NALF1: variants seen among roughly 807,000 people sequenced by gnomAD.
NALF1 encodes the protein NALCN channel auxiliary factor 1.
Under a neutral mutation model 48.4 loss-of-function variants are expected in NALF1, and 3 were observed. The observed-to-expected ratio is 0.06, with a 90% confidence interval of 0.03 to 0.16. NALF1 has a LOEUF of 0.16. Among genes scored for constraint, NALF1 ranks in the 10% least tolerant of loss-of-function variants. The probability of loss-of-function intolerance (pLI) is 1.00; values close to 1 mark genes in which losing one functional copy is unlikely to be tolerated. For synonymous variants in NALF1, 262 were observed against 245.7 expected (o/e 1.07, Z -0.62); for missense variants, 526 against 571.5 (o/e 0.92, Z 0.81).
rs746921336 is a variant in NALF1 at position 107,866,631 on chromosome 13, G to A, written c.-35C>T. 2 of 1,557,090 alleles carry A rather than the reference G, an allele frequency of 1.3e-6. No homozygotes were observed. The highest frequency in any genetic ancestry group is 1.7e-6 in the Non-Finnish European group (2 of 1,155,380). On this transcript the variant is annotated 5_prime_UTR_variant, in exon 1 of 3. The change creates a new upstream start codon in the 5' untranslated region. Coordinates refer to ENST00000375915, the MANE Select transcript of NALF1 (RefSeq NM_001080396.3). This position sits in a 1 kb window ranked among gnomAD's most constrained non-coding sequence, Gnocchi z 4.4. ...ACGCACAGCCCTGGCCGACTCCACC[G>A]TGAGGGCGCCTGTGCCGGTGTCACC...
intron 1 of NALF1, among the ~76,000 whole-genome samples, chr13:107,663,754 A>G (rs1451236743): frequency 6.6e-6 from 1 of 152,178 alleles, no homozygotes; most frequent in African/African-American, 2.4e-5. Flanking sequence ...TTATCTTACT[A>G]GAGCTATTGG....
intron 1 of NALF1, among the ~76,000 whole-genome samples, chr13:107,782,906 C>T (rs1315259196): frequency 6.6e-6 from 1 of 151,258 alleles, no homozygotes; most frequent in East Asian, 2.0e-4. Flanking sequence ...GCAGCCGCCC[C>T]GTCCAGGAGG....
At chr13:107,647,957 A>T (rs1280101325) in intron 1 of NALF1, among the ~76,000 whole-genome samples, 1 of 152,168 alleles carries the variant, frequency 6.6e-6, no homozygotes, top group Non-Finnish European at 1.5e-5. Flanking sequence ...CCTGAAGATT[A>T]TAGAAAAGAG....
chr13:107,661,784 T>C (rs1880740251), intron 1 of NALF1, among the ~76,000 whole-genome samples: 1 of 152,194 alleles, frequency 6.6e-6, no homozygotes, highest in Non-Finnish European at 1.5e-5. Context: ...TGTCAAGGAA[T>C]AAATATATTC....
intron 1 of NALF1, among the ~76,000 whole-genome samples, chr13:107,475,747 G>C (rs1042750227): frequency 2.6e-5 from 4 of 152,102 alleles, no homozygotes; most frequent in Non-Finnish European, 4.4e-5. Context: ...GTCTCTTCTA[G>C]TCAATAAAAT....
chr13:107,408,059 A>G (rs537419227), intron 1 of NALF1, among the ~76,000 whole-genome samples: 1 of 152,166 alleles, frequency 6.6e-6, no homozygotes, highest in South Asian at 2.1e-4. Flanking sequence ...TTAAAATAAA[A>G]TAATTGAACT....
intron 1 of NALF1, among the ~76,000 whole-genome samples, chr13:107,415,147 G>A (rs1884063667): frequency 6.6e-6 from 1 of 152,098 alleles, no homozygotes. Context: ...TTTAAACTTA[G>A]TCTTAAAACT....
At chr13:107,781,634 CA>C (rs1351117152) in intron 1 of NALF1, among the ~76,000 whole-genome samples, 1 of 151,638 alleles carries the variant, frequency 6.6e-6, no homozygotes, top group Non-Finnish European at 1.5e-5. Context: ...ATGACAGAAT[CA>C]AAGATGTGCC....
intron 1 of NALF1, among the ~76,000 whole-genome samples, chr13:107,535,323 T>C (rs1052193453): frequency 6.6e-6 from 1 of 152,122 alleles, no homozygotes; most frequent in Non-Finnish European, 1.5e-5. Flanking sequence ...GGGTTTGTCA[T>C]AAATAGCTCT....
intron 1 of NALF1, among the ~76,000 whole-genome samples, chr13:107,731,940 A>G (rs116985335): frequency 3.9e-5 from 6 of 152,310 alleles, no homozygotes; most frequent in Non-Finnish European, 5.9e-5. Flanking sequence ...CCATAGAGCT[A>G]TCCTAGATTT....
chr13:107,577,564 C>T (rs540361247), intron 1 of NALF1, among the ~76,000 whole-genome samples: 15 of 152,152 alleles, frequency 9.9e-5, no homozygotes, highest in Middle Eastern at 3.4e-3. Flanking sequence ...TTTTGAAAAG[C>T]GATCTACATA....
intron 1 of NALF1, among the ~76,000 whole-genome samples, chr13:107,626,471 GT>G (rs1409514667): frequency 2.6e-5 from 4 of 152,148 alleles, no homozygotes; most frequent in Admixed American, 2.6e-4. Context: ...GCACTCCTGT[GT>G]TTTTTGGAGC....
intron 1 of NALF1, among the ~76,000 whole-genome samples, chr13:107,791,637 T>A (rs189072233): frequency 6.6e-6 from 1 of 152,324 alleles, no homozygotes; most frequent in East Asian, 1.9e-4. Context: ...AAATATAATG[T>A]TGTGAACAAA....
intron 1 of NALF1, among the ~76,000 whole-genome samples, chr13:107,268,278 G>A (rs867985056): frequency 2.6e-5 from 4 of 152,130 alleles, no homozygotes; most frequent in Admixed American, 6.5e-5. Context: ...GTGAGCCACC[G>A]CACCCAGCCT....
At chr13:107,410,768 G>A (rs995516625) in intron 1 of NALF1, among the ~76,000 whole-genome samples, 8 of 152,004 alleles carry the variant, frequency 5.3e-5, no homozygotes, top group African/African-American at 1.9e-4. Context: ...AATTATAAAC[G>A]TTGGGGGCCA....
At chr13:107,803,267 C>T (rs759577921) in intron 1 of NALF1, among the ~76,000 whole-genome samples, 4 of 152,116 alleles carry the variant, frequency 2.6e-5, no homozygotes, top group African/African-American at 4.8e-5. Flanking sequence ...AATATTGATA[C>T]GAATTCTAAG....
At chr13:107,622,152 G>A (rs1037392035) in intron 1 of NALF1, among the ~76,000 whole-genome samples, 2 of 151,872 alleles carry the variant, frequency 1.3e-5, no homozygotes, top group African/African-American at 4.8e-5. Context: ...ATCATGGCTG[G>A]GTACGGTGGC....
chr13:107,439,265 T>A (rs1462587528), intron 1 of NALF1, among the ~76,000 whole-genome samples: 2 of 152,216 alleles, frequency 1.3e-5, no homozygotes, highest in Admixed American at 6.5e-5. Flanking sequence ...CACATCCACC[T>A]GGCTGATGTT....
At chr13:107,174,388 G>A (rs1166748451) in intron 2 of NALF1, among the ~76,000 whole-genome samples, 3 of 150,366 alleles carry the variant, frequency 2.0e-5, no homozygotes, top group East Asian at 2.0e-4. Flanking sequence ...ACAGAGTCTC[G>A]CTCTGTCGCC....
Sources: gnomAD v4.1 joint callset for allele counts (sites outside exome capture counted in the v4.1 genomes callset) on GRCh38, gnomAD v4.1.1 for gene constraint, Gnocchi (gnomAD v3.1) non-coding constraint, MANE v1.5 for transcripts, NCBI Gene and HGNC (gene_info 2026-07-23, HGNC 2026-07-21) for gene names.